Variants in CDH7 observed in about 807,000 individuals in gnomAD.
CDH7 encodes the protein cadherin 7, also known as cadherin-7.
CDH7 carries 25 observed loss-of-function variants against 71.8 expected under a neutral mutation model. The observed-to-expected ratio is 0.35, with a 90% CI of 0.25 to 0.49. CDH7 has a LOEUF of 0.49. Among genes scored for constraint, CDH7 ranks in the 20% least tolerant of loss-of-function variants. The pLI is 0.99. For synonymous variants in CDH7, 381 were observed against 363.8 expected (o/e 1.05, Z -0.54); for missense variants, 862 against 974.6 (o/e 0.88, Z 1.54).
chr18:65,782,027 TCC>T (rs1491487021), intron 2 of CDH7, among the ~76,000 whole-genome samples: 4 of 73,794 alleles, frequency 5.4e-5, no homozygotes, highest in African/African-American at 2.0e-4. Flanking sequence ...TCTCTCTTTC[TCC>T]CTTCCTTCCT....
intron 6 of CDH7, among the ~76,000 whole-genome samples, chr18:65,835,195 A>G (rs781348986): frequency 4.6e-5 from 7 of 152,114 alleles, no homozygotes; most frequent in African/African-American, 7.2e-5. Context: ...AGGCTGTTTG[A>G]CAGAATTGAC....
Position 65,882,693 on chromosome 18 carries a change from G to T in CDH7, c.*1799G>T, listed in dbSNP as rs1006973906. ...CATTGTTTTATGACTATATAGATATGCTTCTTGCTGTATTAATATGCATAT... is the reference window on the plus strand; with the variant it reads ...CATTGTTTTATGACTATATAGATATTCTTCTTGCTGTATTAATATGCATAT... On this transcript the variant is annotated 3_prime_UTR_variant, in exon 12 of 12. Transcript: ENST00000397968. The T allele has an allele frequency of 6.6e-6, 1 of 152,156 alleles. No individual in the cohort carries two copies. The highest frequency in any genetic ancestry group is 2.4e-5 in the African/African-American group (1 of 41,526). The allele number at this position is 152,156 out of a possible 1,614,324, so 9.4% of individuals were successfully genotyped here. A position where few individuals can be genotyped will look rare whatever the true frequency, so the allele number is the denominator to read the frequency against.
rs745442687 is a variant in CDH7 at position 65,782,107 on chromosome 18, CTTCTTTCTTTCTTTCT to C, written c.210+19097_210+19112del. ...CCTTCCTTCCTTCCTTCCTTCCTTC[CTTCTTTCTTTCTTTCT>C]TTCTTTCTTTCTTTCTTTCTTTCTT... On this transcript the variant is annotated intron_variant, in intron 2 of 11. Coordinates refer to ENST00000397968, the MANE Select transcript of CDH7 (RefSeq NM_004361.5). Among the ~76,000 whole-genome samples the C allele has an allele frequency of 7.2e-3, 181 of 25,232 alleles. 20 individuals are homozygous for C. Among genetic ancestry groups the C allele is most frequent in the East Asian group, 0.026 (30 of 1,136 alleles). 16.6% of individuals were successfully genotyped at this position (25,232 alleles called of 152,430 possible).
chr18:65,772,599 G>T (rs1916578625), intron 2 of CDH7, among the ~76,000 whole-genome samples: 1 of 152,116 alleles, frequency 6.6e-6, no homozygotes, highest in African/African-American at 2.4e-5. Context: ...TATCACATTT[G>T]TAAAGCTAAA....
intron 4 of CDH7, among the ~76,000 whole-genome samples, chr18:65,821,791 TTTTA>T (rs1400443888): frequency 2.6e-5 from 4 of 152,164 alleles, no homozygotes; most frequent in Non-Finnish European, 5.9e-5. Context: ...TAAAAGGCCA[TTTTA>T]TTTATTTATA....
intron 6 of CDH7, among the ~76,000 whole-genome samples, chr18:65,832,803 T>A (rs1311108675): frequency 3.3e-5 from 5 of 152,122 alleles, no homozygotes; most frequent in Admixed American, 1.3e-4. Flanking sequence ...TAGTCTTTTT[T>A]AATTTTTTTC....
Position 65,886,868 on chromosome 18 carries a change from C to G in CDH7, c.*5974C>G, listed in dbSNP as rs1914386010. On this transcript the variant is annotated 3_prime_UTR_variant, in exon 12 of 12. Transcript: ENST00000397968. ...TCTTAATCTCTTACGAATGAAGAAA[C>G]TCTAGGAAACTAAAAAATAATATAT... 6.6e-6 allele frequency: 1 copy of G among 152,066 alleles called. No individual in the cohort carries two copies. Among genetic ancestry groups the G allele is most frequent in the South Asian group, 2.1e-4 (1 of 4,824 alleles). 9.4% of individuals were successfully genotyped at this position (152,066 alleles called of 1,614,324 possible).
chr18:65,885,028 AATT>A lies in CDH7; in HGVS notation c.*4139_*4141del, dbSNP rs1400352795. ...TTCTGTTAGTGTATGTTTATTTTTTAATTATTAATAATGTATATTGTGTGTATA... is the reference window on the plus strand; with the variant it reads ...TTCTGTTAGTGTATGTTTATTTTTTAATTAATAATGTATATTGTGTGTATA... On this transcript the variant is annotated 3_prime_UTR_variant, in exon 12 of 12. Transcript: ENST00000397968. The A allele has an allele frequency of 2.6e-5, 4 of 152,224 alleles. No individual in the cohort carries two copies. Among genetic ancestry groups the A allele is most frequent in the African/African-American group, 4.8e-5 (2 of 41,470 alleles). 9.4% of individuals were successfully genotyped at this position (152,224 alleles called of 1,614,324 possible).
At chr18:65,752,793 TAAA>T (rs1176929572) in intron 1 of CDH7, among the ~76,000 whole-genome samples, 19 of 152,084 alleles carry the variant, frequency 1.2e-4, no homozygotes, top group Non-Finnish European at 2.4e-4. Flanking sequence ...GAAAGAAAAA[TAAA>T]GAAAACAATA....
chr18:65,789,276 A>G (rs1366139059), intron 2 of CDH7, among the ~76,000 whole-genome samples: 1 of 152,174 alleles, frequency 6.6e-6, no homozygotes, highest in Non-Finnish European at 1.5e-5. Context: ...TGACTCCTAA[A>G]TAAATGGGAC....
At chr18:65,765,088 T>C (rs1294822735) in intron 2 of CDH7, among the ~76,000 whole-genome samples, 1 of 152,082 alleles carries the variant, frequency 6.6e-6, no homozygotes, top group Non-Finnish European at 1.5e-5. Flanking sequence ...CAGAAGTTAG[T>C]TCGTGTTTAT....
At chr18:65,813,331 T>A (rs972460886) in intron 3 of CDH7, among the ~76,000 whole-genome samples, 1 of 152,060 alleles carries the variant, frequency 6.6e-6, no homozygotes, top group African/African-American at 2.4e-5. Context: ...AAACTCCATC[T>A]GAAAATATAA....
At chr18:65,821,217 G>A (rs1911916025) in intron 4 of CDH7, among the ~76,000 whole-genome samples, 1 of 151,920 alleles carries the variant, frequency 6.6e-6, no homozygotes, top group Admixed American at 6.6e-5. Context: ...GACAGTATTA[G>A]GGAAGTCAAT....
rs1299220908 is a variant in CDH7, at chr18:65,887,751, A to C, written c.*6857A>C. On this transcript the variant is annotated 3_prime_UTR_variant, in exon 12 of 12. Transcript: ENST00000397968. ...TAGATCCAACCTCTACAATTAAATT[A>C]TATGAGCATACTGAGGGAGAATTGC... 1 of 152,156 alleles carries C rather than the reference A, an allele frequency of 6.6e-6. No homozygotes were observed. The highest frequency in any genetic ancestry group is 2.4e-5 in the African/African-American group (1 of 41,442). 9.4% of individuals were successfully genotyped at this position (152,156 alleles called of 1,614,324 possible).
intron 11 of CDH7, chr18:65,866,315 C>CAAAAAAAACAA (rs1913753284): frequency 7.4e-4 from 1 of 1,358 alleles, no homozygotes; most frequent in Non-Finnish European, 1.7e-3. Flanking sequence ...AAAAAAAAAA[C>CAAAAAAAACAA]AAAAAAAAAA....
At chr18:65,764,263 GTC>G (rs1916288639) in intron 2 of CDH7, among the ~76,000 whole-genome samples, 1 of 151,388 alleles carries the variant, frequency 6.6e-6, no homozygotes, top group Admixed American at 6.6e-5. Context: ...TTTTATTTAT[GTC>G]TCTATATTTT....
chr18:65,824,786 T>C lies in CDH7; in HGVS notation c.936T>C (p.Ile312=). 2.5e-6 allele frequency: 4 copies of C among 1,612,466 alleles called. No individual in the cohort carries two copies. Among genetic ancestry groups the C allele is most frequent in the Non-Finnish European group, 3.4e-6 (4 of 1,178,782 alleles). Residue 312 remains isoleucine, a synonymous_variant, in exon 6 of 12, where the codon ATT becomes ATC. Transcript: ENST00000397968. ...VDGDGLGIFK[I]SVDKETQEGI... ...GTGATGGTTTGGGCATTTTTAAGATTTCTGTTGACAAAGAAACCCAGGAAG... is the reference window on the plus strand; with the variant it reads ...GTGATGGTTTGGGCATTTTTAAGATCTCTGTTGACAAAGAAACCCAGGAAG...
chr18:65,880,444 G>T lies in CDH7; in HGVS notation c.1908G>T (p.Glu636Asp). ...TCACTATGAGAAGACGGAAAAAAGA[G>T]CCCCTTATTTTTGACGAAGAAAGAG... is the stretch of plus-strand genomic sequence containing the variant. ...LIVTMRRRKKEPLIFDEERDI... is the reference protein window; with the variant it reads ...LIVTMRRRKKDPLIFDEERDI... The change falls in exon 12 of 12, where the codon GAG becomes GAT. Residue 636 changes from glutamate to aspartate, a missense_variant. Physicochemically the swap from Glu to Asp is conservative, Grantham distance 45. Coordinates refer to ENST00000397968, the MANE Select transcript of CDH7 (RefSeq NM_004361.5). 6.4e-7 allele frequency: 1 copy of T among 1,567,060 alleles called. No homozygotes were observed. The highest frequency in any genetic ancestry group is 8.6e-7 in the Non-Finnish European group (1 of 1,163,526).
chr18:65,852,653 ATT>A (rs1245303184), intron 7 of CDH7, among the ~76,000 whole-genome samples: 2 of 152,074 alleles, frequency 1.3e-5, no homozygotes, highest in African/African-American at 4.8e-5. Flanking sequence ...TTTGTACCTC[ATT>A]TTTCAAAACT....
Sources: gnomAD v4.1 joint callset for allele counts (sites outside exome capture counted in the v4.1 genomes callset) on GRCh38, gnomAD v4.1.1 for gene constraint, MANE v1.5 for transcripts, NCBI Gene and HGNC (gene_info 2026-07-23, HGNC 2026-07-21) for gene names.